ST3GAL6: variants seen among roughly 807,000 people sequenced by gnomAD.
ST3GAL6 encodes the protein type 2 lactosamine alpha-2,3-sialyltransferase.
ST3GAL6 carries 31 observed loss-of-function variants against 40.5 expected under a neutral mutation model. The observed-to-expected ratio is 0.77, with a 90% confidence interval of 0.58 to 1.03. The LOEUF is 1.03. Ranked by LOEUF, ST3GAL6 falls within the 50% of genes least tolerant of loss-of-function variation. The pLI is 0.00. For missense variants in ST3GAL6, 357 were observed against 393.2 expected (o/e 0.91, Z 0.78); for synonymous variants, 129 against 136.9 (o/e 0.94, Z 0.40).
In ST3GAL6 at chr3:98,768,468, C is replaced by T. The variant is rs1360077636; in HGVS notation, c.28C>T (p.Leu10=). The T allele has an allele frequency of 6.2e-7, 1 of 1,613,786 alleles. No individual in the cohort carries two copies. The highest frequency in any genetic ancestry group is 2.2e-5 in the East Asian group (1 of 44,876). ...GAGAGGGTATCTTGTGGCCATATTC[C>T]TGAGTGCTGTCTTCCTCTATTATGT... MRGYLVAIF[L]SAVFLYYVLH... The change falls in exon 2 of 10, where the codon CTG becomes TTG. Residue 10 remains leucine, a synonymous_variant. Coordinates refer to ENST00000483910, the MANE Select transcript of ST3GAL6 (RefSeq NM_001323368.2).
rs1030980195 is a variant in ST3GAL6 at position 98,795,144 on chromosome 3, C to G, written c.*1383C>G. 6.6e-6 allele frequency: 1 copy of G among 151,916 alleles called. No homozygotes were observed. Among genetic ancestry groups the G allele is most frequent in the African/African-American group, 2.4e-5 (1 of 41,330 alleles). 9.4% of individuals were successfully genotyped at this position (151,916 alleles called of 1,614,324 possible). A position where few individuals can be genotyped will look rare whatever the true frequency, so the allele number is the denominator to read the frequency against. On this transcript the variant is annotated 3_prime_UTR_variant, in exon 10 of 10. Transcript: ENST00000483910. ...GGTAGGGGAATGAGAGGTGAAGAAA[C>G]AGAAAAATAGAGGTTATAAGGATGG...
chr3:98,742,662 C>A (rs1000813666), intron 1 of ST3GAL6, among the ~76,000 whole-genome samples: 1 of 151,406 alleles, frequency 6.6e-6, no homozygotes, highest in Non-Finnish European at 1.5e-5. Flanking sequence ...ATACAGACTT[C>A]TTGGCCCTTA....
At chr3:98,769,933 G>C (rs952659668) in intron 2 of ST3GAL6, among the ~76,000 whole-genome samples, 5 of 152,102 alleles carry the variant, frequency 3.3e-5, no homozygotes, top group Admixed American at 2.0e-4. Context: ...TCTTCCTTAT[G>C]TATAAATCAA....
At chr3:98,773,890 T>C (rs745905740) in intron 4 of ST3GAL6, 30 bp from the exon 5 acceptor site, 18 of 1,597,278 alleles carry the variant, frequency 1.1e-5, no homozygotes, top group Non-Finnish European at 1.5e-5. Context: ...TGATTATCCT[T>C]TTATTCATAA....
intron 8 of ST3GAL6, among the ~76,000 whole-genome samples, chr3:98,791,329 A>G (rs1448666406): frequency 1.3e-5 from 2 of 152,194 alleles, no homozygotes; most frequent in African/African-American, 4.8e-5. Context: ...TTGAAGTACT[A>G]GATTAGCCTT....
rs2107369361 is a variant in ST3GAL6 at position 98,756,890 on chromosome 3, A to G, written c.-11-11540A>G. On this transcript the variant is annotated intron_variant, in intron 1 of 9. Coordinates refer to the ST3GAL6 transcript ENST00000265261. Reference sequence around the variant, plus strand: ...ACATTATATGCATCACAAATATTATAGAAATTCTACTGTTAACCAGCTTTA... The same window carrying G: ...ACATTATATGCATCACAAATATTATGGAAATTCTACTGTTAACCAGCTTTA... 1.3e-5 allele frequency among the ~76,000 whole-genome samples: 2 copies of G among 152,350 alleles called. 1 individual carries two copies. Among genetic ancestry groups the G allele is most frequent in the South Asian group, 4.1e-4 (2 of 4,832 alleles).
chr3:98,775,259 G>A (rs1297719052), intron 5 of ST3GAL6, among the ~76,000 whole-genome samples: 2 of 152,060 alleles, frequency 1.3e-5, no homozygotes, highest in Non-Finnish European at 2.9e-5. Flanking sequence ...CGGGCAGATC[G>A]TGAGGTCGGA....
At chr3:98,783,023 C>T (rs375348078) in intron 5 of ST3GAL6, 3 of 288,396 alleles carry the variant, frequency 1.0e-5, no homozygotes, top group Non-Finnish European at 1.4e-5. Context: ...TGTAAAGCTG[C>T]GGGGACCATC....
chr3:98,773,105 A>G lies in ST3GAL6; in HGVS notation c.271+189A>G, dbSNP rs1939167605. 7 of 405,140 alleles carry G rather than the reference A, an allele frequency of 1.7e-5. No individual in the cohort carries two copies. The South Asian group carries it at 3.3e-4, about 19-fold the overall frequency. 25.1% of individuals were successfully genotyped at this position (405,140 alleles called of 1,614,324 possible). ...ATTATCACTCCTTTTGAGGCAGTAT[A>G]GAACCAAAGGATAACAGGGGTAGAT... On this transcript the variant is annotated intron_variant, in intron 4 of 9. Transcript: ENST00000483910.
upstream of ST3GAL6, among the ~76,000 whole-genome samples, chr3:98,760,173 A>G (rs1256447567): frequency 6.6e-6 from 1 of 152,190 alleles, no homozygotes; most frequent in Non-Finnish European, 1.5e-5. Context: ...GTTCCCCTCA[A>G]AAACTGTTTT....
At chr3:98,769,112 T>C (rs1216810390) in intron 2 of ST3GAL6, among the ~76,000 whole-genome samples, 1 of 152,148 alleles carries the variant, frequency 6.6e-6, no homozygotes, top group African/African-American at 2.4e-5. Flanking sequence ...CCCAAGCGGG[T>C]GGCAGTACAT....
chr3:98,792,512 A>T (rs369548886), intron 9 of ST3GAL6, among the ~76,000 whole-genome samples: 2,910 of 138,774 alleles, frequency 0.021, 30 homozygotes, highest in South Asian at 0.03. Context: ...TTTAGTTTAA[A>T]TTTTTTTTTT....
At chr3:98,750,588 G>A (rs564999056) in intron 1 of ST3GAL6, among the ~76,000 whole-genome samples, 4 of 151,416 alleles carry the variant, frequency 2.6e-5, no homozygotes, top group Admixed American at 2.6e-4. Flanking sequence ...GCATGATTTG[G>A]GAGCTTGCTG....
intron 5 of ST3GAL6, among the ~76,000 whole-genome samples, chr3:98,780,425 A>G (rs142341793): frequency 2.6e-5 from 4 of 152,316 alleles, no homozygotes; most frequent in East Asian, 1.9e-4. Flanking sequence ...ATGATTTCCT[A>G]TAGTAAAGGC....
At chr3:98,743,985 A>G (rs1411708537) in intron 1 of ST3GAL6, among the ~76,000 whole-genome samples, 1 of 149,590 alleles carries the variant, frequency 6.7e-6, no homozygotes, top group Non-Finnish European at 1.5e-5. Context: ...GAGTCATGGC[A>G]GATGTAATTA....
chr3:98,771,369 A>C (rs1938970150), intron 3 of ST3GAL6, among the ~76,000 whole-genome samples: 1 of 152,238 alleles, frequency 6.6e-6, no homozygotes, highest in South Asian at 2.1e-4. Context: ...TTAACTTTTA[A>C]TGAACTACAT....
chr3:98,765,307 CT>C (rs1490340062), intron 1 of ST3GAL6, among the ~76,000 whole-genome samples: 3 of 152,206 alleles, frequency 2.0e-5, no homozygotes, highest in East Asian at 3.8e-4. Context: ...GAATGGAACT[CT>C]GAGAAAGAAA....
intron 1 of ST3GAL6, among the ~76,000 whole-genome samples, chr3:98,739,258 A>G (rs1935846763): frequency 6.6e-6 from 1 of 152,150 alleles, no homozygotes; most frequent in Non-Finnish European, 1.5e-5. Flanking sequence ...AAGATCCCAA[A>G]TTAACAACCT....
At chr3:98,769,691 T>G (rs1230140551) in intron 2 of ST3GAL6, among the ~76,000 whole-genome samples, 2 of 152,256 alleles carry the variant, frequency 1.3e-5, no homozygotes, top group African/African-American at 2.4e-5. Flanking sequence ...GCAAGTACCT[T>G]GGGATATTAG....
Sources: gnomAD v4.1 joint callset for allele counts (sites outside exome capture counted in the v4.1 genomes callset) on GRCh38, gnomAD v4.1.1 for gene constraint, MANE v1.5 for transcripts, NCBI Gene and HGNC (gene_info 2026-07-23, HGNC 2026-07-21) for gene names.